The following ARMC10 variants were observed in gnomAD, a reference collection of about 807,000 sequenced individuals.
ARMC10 encodes the protein armadillo repeat containing 10, also known as armadillo repeat-containing protein 10.
Under a neutral mutation model 30.2 loss-of-function variants are expected in ARMC10, and 23 were observed. The ratio of observed to expected loss-of-function variants is 0.76; its 90% CI spans 0.55 to 1.08. The LOEUF is 1.08. Among genes scored for constraint, ARMC10 ranks in the 50% least tolerant of loss-of-function variants. The pLI, the probability that ARMC10 is intolerant of heterozygous loss-of-function variation, is 0.00. For missense variants in ARMC10, 303 were observed against 413.7 expected, an observed-to-expected ratio of 0.73 and a Z score of 2.32; for synonymous variants, 111 against 164.4, an observed-to-expected ratio of 0.68 and a Z score of 2.48.
intron 4 of ARMC10, among the ~76,000 whole-genome samples, chr7:103,090,728 T>TAAAAAAA (rs34277044): frequency 4.3e-5 from 6 of 140,904 alleles, no homozygotes; most frequent in African/African-American, 1.7e-4. Context: ...AACCCATTTC[T>TAAAAAAA]AAAAAAAAAA....
intron 3 of ARMC10, among the ~76,000 whole-genome samples, chr7:103,085,547 A>G (rs1441427388): frequency 6.6e-6 from 1 of 151,908 alleles, no homozygotes; most frequent in Non-Finnish European, 1.5e-5. Flanking sequence ...TAGTATTGCA[A>G]CCAACTGTAA....
chr7:103,086,693 A>G lies in ARMC10; in HGVS notation c.457A>G (p.Ser153Gly). 2 of 1,596,084 alleles carry G rather than the reference A, an allele frequency of 1.3e-6. No homozygotes were observed. The highest frequency in any genetic ancestry group is 1.7e-6 in the Non-Finnish European group (2 of 1,175,788). Residue 153 changes from serine to glycine, a missense_variant, in exon 4 of 7, where the codon AGT becomes GGT. Coordinates refer to ENST00000323716, the MANE Select transcript of ARMC10 (RefSeq NM_031905.5). ...VANKINHSNQ[S>G]IKEKALNALN... ...AAACAAAATCAACCATTCCAACCAG[A>G]GTATTAAAGAGAAAGCTTTAAATGC...
intron 6 of ARMC10, among the ~76,000 whole-genome samples, chr7:103,098,073 T>C (rs1801914949): frequency 6.6e-6 from 1 of 152,186 alleles, no homozygotes; most frequent in Admixed American, 6.6e-5. Context: ...ACTCCCTTTT[T>C]TCCATTAGTA....
intron 3 of ARMC10, 121 bp downstream of exon 3, chr7:103,083,951 A>G: frequency 5.4e-6 from 8 of 1,468,280 alleles, no homozygotes; most frequent in Non-Finnish European, 5.5e-6. Flanking sequence ...CAATGTGGCT[A>G]CTTATACTTA....
intron 5 of ARMC10, among the ~76,000 whole-genome samples, chr7:103,094,314 A>G (rs946446064): frequency 2.6e-5 from 4 of 152,220 alleles, no homozygotes; most frequent in African/African-American, 9.7e-5. Context: ...TAGTGTCACC[A>G]CAAGATGGTG....
intron 2 of ARMC10, among the ~76,000 whole-genome samples, chr7:103,077,784 TTC>T (rs1289432129): frequency 6.6e-6 from 1 of 152,238 alleles, no homozygotes; most frequent in Non-Finnish European, 1.5e-5. Context: ...CTCAGATATC[TTC>T]TCAGTTATAC....
intron 2 of ARMC10, chr7:103,081,863 C>A: frequency 2.2e-6 from 1 of 456,648 alleles, no homozygotes; most frequent in Non-Finnish European, 4.4e-6. Flanking sequence ...CAGTATTAAG[C>A]CAACCCTTTT....
intron 2 of ARMC10, among the ~76,000 whole-genome samples, chr7:103,080,932 A>G (rs1315991033): frequency 6.6e-6 from 1 of 152,190 alleles, no homozygotes; most frequent in Non-Finnish European, 1.5e-5. Context: ...AGCTAGGCTC[A>G]TTATATTAAT....
At chr7:103,094,324 G>T (rs1226999244) in intron 5 of ARMC10, among the ~76,000 whole-genome samples, 2 of 152,084 alleles carry the variant, frequency 1.3e-5, no homozygotes, top group African/African-American at 2.4e-5. Context: ...ACAAGATGGT[G>T]CATGTGACGA....
At chr7:103,083,611 G>A (rs987578900) in intron 2 of ARMC10, 71 bp from the exon 3 acceptor site, 14 of 1,380,250 alleles carry the variant, frequency 1.0e-5, no homozygotes, top group Non-Finnish European at 1.4e-5. Context: ...GGGTGACAGA[G>A]TGAGAGCCTG....
Position 103,097,327 on chromosome 7 carries a change from A to G in ARMC10, c.756A>G (p.Thr252=). ...ATTTGTCTGAAAATCCAGCCATGAC[A>G]GAAGGACTTCTCCGTGCCCAAGTAA... is the stretch of plus-strand genomic sequence containing the variant. ...LLNLSENPAM[T]EGLLRAQVDS... is the part of the protein sequence containing the mutation. The change falls in exon 6 of 7, where the codon ACA becomes ACG. Residue 252 remains threonine (T), a synonymous_variant. Coordinates refer to ENST00000323716, the MANE Select transcript of ARMC10 (RefSeq NM_031905.5). The G allele has an allele frequency of 6.2e-7, 1 of 1,613,358 alleles. No homozygotes were observed. The highest frequency in any genetic ancestry group is 8.5e-7 in the Non-Finnish European group (1 of 1,179,472).
At chr7:103,076,931 C>G (rs1056480624) in intron 2 of ARMC10, among the ~76,000 whole-genome samples, 3 of 152,314 alleles carry the variant, frequency 2.0e-5, no homozygotes, top group African/African-American at 7.2e-5. Flanking sequence ...CTCTGTCACC[C>G]AGGCTCGGTG....
At chr7:103,079,844 C>G (rs185190896) in intron 2 of ARMC10, among the ~76,000 whole-genome samples, 94 of 152,224 alleles carry the variant, frequency 6.2e-4, no homozygotes, top group Non-Finnish European at 4.9e-4. Context: ...TAGGAATTCA[C>G]TTTAAAAACT....
chr7:103,092,405 T>A, intron 4 of ARMC10, 72 bp from the exon 5 acceptor site: 2 of 1,108,370 alleles, frequency 1.8e-6, no homozygotes, highest in South Asian at 1.7e-5. Context: ...TACTCCACTG[T>A]GCAGAAAAGT....
chr7:103,080,336 C>T (rs995959243), intron 2 of ARMC10, among the ~76,000 whole-genome samples: 4 of 152,092 alleles, frequency 2.6e-5, no homozygotes, highest in African/African-American at 9.7e-5. Context: ...CTCACTGCAA[C>T]CTCTGCCTCC....
At chr7:103,075,973 C>A in intron 2 of ARMC10, 92 bp downstream of exon 2, 1 of 946,822 alleles carries the variant, frequency 1.1e-6, no homozygotes, top group South Asian at 1.9e-5. Context: ...AAAAGTTGAT[C>A]GGTACATTAA....
chr7:103,088,506 A>C, intron 4 of ARMC10, among the ~76,000 whole-genome samples: 1 of 152,186 alleles, frequency 6.6e-6, no homozygotes, highest in Middle Eastern at 3.2e-3. Context: ...TGCCAGCCAT[A>C]AAATAAATTT....
rs1801969876 is a variant in ARMC10 at position 103,098,426 on chromosome 7, CT to C, written c.908del (p.Phe303SerfsTer19). On this transcript the variant is annotated frameshift_variant, in exon 7 of 7. Transcript: ENST00000323716. LOFTEE classifies it low-confidence loss of function (END_TRUNC). ...GAAGGCCATTTAGCTGTGCAGCCTA[CT>C]TTCACTGAAGGTTCATTGTTTTTCC... ...KIEGHLAVQP[T>X]FTEGSLFFLL... 1 of 1,613,650 alleles carries C rather than the reference CT, an allele frequency of 6.2e-7. No individual in the cohort carries two copies. The highest frequency in any genetic ancestry group is 1.3e-5 in the African/African-American group (1 of 74,944).
At chr7:103,085,892 G>GGT (rs1199011385) in intron 3 of ARMC10, among the ~76,000 whole-genome samples, 2 of 152,134 alleles carry the variant, frequency 1.3e-5, no homozygotes, top group African/African-American at 4.8e-5. Flanking sequence ...TGGGATTACA[G>GGT]GTGTGAGCCA....
Sources: gnomAD v4.1 joint callset for allele counts (sites outside exome capture counted in the v4.1 genomes callset) on GRCh38, gnomAD v4.1.1 for gene constraint, MANE v1.5 for transcripts, NCBI Gene and HGNC (gene_info 2026-07-23, HGNC 2026-07-21) for gene names.